The following ADAMTSL1 variants were observed in gnomAD, a reference collection of about 807,000 sequenced individuals.
ADAMTSL1 encodes the protein ADAMTS-like protein 1.
In ADAMTSL1, 126 loss-of-function variants were observed where a neutral mutation model predicts 201.8. The ratio of observed to expected loss-of-function variants is 0.62; its 90% confidence interval spans 0.54 to 0.72. ADAMTSL1 has a LOEUF of 0.72. Ranked by LOEUF, ADAMTSL1 falls within the 30% of genes least tolerant of loss-of-function variation. The pLI, the probability that ADAMTSL1 is intolerant of heterozygous loss-of-function variation, is 0.00. For synonymous variants in ADAMTSL1, 1,121 were observed against 903.4 expected (o/e 1.24, Z -4.32); for missense variants, 2,679 against 2,277.8 (o/e 1.18, Z -3.59).
chr9:18,887,879 G>GT lies in ADAMTSL1; in HGVS notation c.4299dup (p.Gly1434TrpfsTer27). The GT allele has an allele frequency of 1.2e-6, 2 of 1,613,902 alleles. No homozygotes were observed. Among genetic ancestry groups the GT allele is most frequent in the Non-Finnish European group, 1.7e-6 (2 of 1,179,884 alleles). On this transcript the variant is annotated frameshift_variant, in exon 24 of 29. Coordinates refer to ENST00000380548, the MANE Select transcript of ADAMTSL1 (RefSeq NM_001040272.6). LOFTEE classifies it high-confidence loss of function. ...GTCCCTAATATCACCTGGTTTCATG[G>GT]TGGTCAGCCAATTGTCACTGCCACA...
chr9:17,978,708 A>G (rs1389229350), intron 1 of ADAMTSL1, among the ~76,000 whole-genome samples: 1 of 152,150 alleles, frequency 6.6e-6, no homozygotes, highest in African/African-American at 2.4e-5. Flanking sequence ...AATGACTTAC[A>G]TTATTACCAT....
intron 2 of ADAMTSL1, among the ~76,000 whole-genome samples, chr9:18,219,092 C>T (rs931293338): frequency 6.6e-6 from 1 of 151,512 alleles, no homozygotes; most frequent in South Asian, 2.1e-4. Flanking sequence ...ACTCTATTGA[C>T]TTATACTGGT....
At chr9:18,505,481 C>G (rs1823074328) in intron 2 of ADAMTSL1, among the ~76,000 whole-genome samples, 1 of 152,100 alleles carries the variant, frequency 6.6e-6, no homozygotes, top group Non-Finnish European at 1.5e-5. Context: ...AAAATAGAAG[C>G]TTCAGTGGGA....
At chr9:18,213,108 A>G (rs912675635) in intron 2 of ADAMTSL1, among the ~76,000 whole-genome samples, 4 of 152,160 alleles carry the variant, frequency 2.6e-5, no homozygotes, top group Non-Finnish European at 5.9e-5. Context: ...TCACACCAAA[A>G]ATTCACTTAC....
In ADAMTSL1 at chr9:18,829,880, G is replaced by A; in HGVS notation, c.4152G>A (p.Arg1384=). ...PQVPTQLEDI[R]ALLAATGPNL... The stretch of plus-strand genomic sequence containing the variant: ...TCCCCACACAGTTGGAAGACATCAG[G>A]GCCTTGCTCGCTGCCACTGGACCGA... Residue 1384 remains arginine, a synonymous_variant, in exon 23 of 29, where the codon AGG becomes AGA. Transcript: ENST00000380548. The A allele has an allele frequency of 2.5e-6, 4 of 1,613,936 alleles. No homozygotes were observed. The highest frequency in any genetic ancestry group is 3.4e-6 in the Non-Finnish European group (4 of 1,179,890).
chr9:18,869,816 T>G (rs1827775361), intron 23 of ADAMTSL1, among the ~76,000 whole-genome samples: 1 of 152,192 alleles, frequency 6.6e-6, no homozygotes, highest in Non-Finnish European at 1.5e-5. Context: ...TGTAAACTTT[T>G]TAGAACTTTC....
chr9:18,371,431 T>C (rs941796516), intron 2 of ADAMTSL1, among the ~76,000 whole-genome samples: 2 of 152,228 alleles, frequency 1.3e-5, no homozygotes, highest in African/African-American at 4.8e-5. Context: ...AAAAACACAC[T>C]AGACACAAGA....
chr9:18,736,223 G>T (rs1200208407), intron 15 of ADAMTSL1, among the ~76,000 whole-genome samples: 2 of 152,196 alleles, frequency 1.3e-5, no homozygotes. Context: ...CCACTGTCCA[G>T]TTTGACTCTG....
chr9:18,417,670 C>G (rs1009812837), intron 2 of ADAMTSL1, among the ~76,000 whole-genome samples: 1 of 152,096 alleles, frequency 6.6e-6, no homozygotes, highest in Non-Finnish European at 1.5e-5. Context: ...AACCAAAACT[C>G]ATCCAAGATT....
intron 2 of ADAMTSL1, among the ~76,000 whole-genome samples, chr9:18,352,995 TGGCAGA>T (rs1345382470): frequency 6.6e-6 from 1 of 152,200 alleles, no homozygotes; most frequent in African/African-American, 2.4e-5. Context: ...ATTTCTTGGA[TGGCAGA>T]GGCACAGACC....
rs142886995 is a variant in ADAMTSL1, at chr9:18,686,798, T to C, written c.1574+1998T>C. Reference sequence around the variant, plus strand: ...TATTAGATGCCTTTCAGATGAAAGCTATCAGTGGAGTTTAATGCATCCACA... The same window carrying C: ...TATTAGATGCCTTTCAGATGAAAGCCATCAGTGGAGTTTAATGCATCCACA... On this transcript the variant is annotated intron_variant, in intron 13 of 28. Transcript: ENST00000380548. Among the ~76,000 whole-genome samples the C allele has an allele frequency of 4.5e-3, 688 of 152,322 alleles. 3 individuals carry two copies. Among genetic ancestry groups the C allele is most frequent in the African/African-American group, 0.016 (658 of 41,578 alleles).
At chr9:18,443,398 ATGT>A (rs1435277071) in intron 2 of ADAMTSL1, among the ~76,000 whole-genome samples, 1 of 152,190 alleles carries the variant, frequency 6.6e-6, no homozygotes, top group African/African-American at 2.4e-5. Flanking sequence ...GCTTACATAA[ATGT>A]TAAAGAATTA....
chr9:18,284,023 CA>C (rs1832901833), intron 2 of ADAMTSL1, among the ~76,000 whole-genome samples: 1 of 151,034 alleles, frequency 6.6e-6, no homozygotes, highest in Admixed American at 6.6e-5. Context: ...CTGAAGTCAG[CA>C]GTTCGAGACC....
At chr9:18,179,302 G>T (rs1321089672) in intron 2 of ADAMTSL1, among the ~76,000 whole-genome samples, 2 of 152,306 alleles carry the variant, frequency 1.3e-5, no homozygotes, top group African/African-American at 4.8e-5. Context: ...TGAATGAAAT[G>T]AAGCGAGAAG....
chr9:18,857,638 C>T (rs1230610380), intron 23 of ADAMTSL1, among the ~76,000 whole-genome samples: 2 of 152,118 alleles, frequency 1.3e-5, no homozygotes, highest in Non-Finnish European at 2.9e-5. Flanking sequence ...ATCTTCTGAC[C>T]TTTTCCATTG....
At chr9:18,215,786 AG>A (rs940787387) in intron 2 of ADAMTSL1, among the ~76,000 whole-genome samples, 1 of 152,062 alleles carries the variant, frequency 6.6e-6, no homozygotes, top group African/African-American at 2.4e-5. Flanking sequence ...CCTTAAAGGC[AG>A]GGGGACCAGC....
chr9:18,661,801 A>T, intron 8 of ADAMTSL1, 134 bp from the exon 9 acceptor site: 2 of 918,542 alleles, frequency 2.2e-6, no homozygotes, highest in Non-Finnish European at 3.1e-6. Flanking sequence ...CCTTCCAATT[A>T]TGTGTCTTTT....
At chr9:18,476,630 T>C (rs1399973179) in intron 1 of ADAMTSL1, among the ~76,000 whole-genome samples, 1 of 152,188 alleles carries the variant, frequency 6.6e-6, no homozygotes, top group Non-Finnish European at 1.5e-5. Context: ...CCTTCAAACT[T>C]GATAGAGAAA....
chr9:17,922,469 T>C, intron 1 of ADAMTSL1, among the ~76,000 whole-genome samples: 1 of 152,184 alleles, frequency 6.6e-6, no homozygotes, highest in East Asian at 1.9e-4. Context: ...TCAGAGATTC[T>C]GATTCAATAG....
Sources: gnomAD v4.1 joint callset for allele counts (sites outside exome capture counted in the v4.1 genomes callset) on GRCh38, gnomAD v4.1.1 for gene constraint, MANE v1.5 for transcripts, NCBI Gene and HGNC (gene_info 2026-07-23, HGNC 2026-07-21) for gene names.